DGKB: variants seen among roughly 807,000 people sequenced by gnomAD.
The protein encoded by DGKB is diacylglycerol kinase beta, also known as 90 kDa diacylglycerol kinase.
In DGKB, 67 loss-of-function variants were observed where a neutral mutation model predicts 114.3. That is an observed-to-expected ratio of 0.59 (90% CI 0.48 to 0.72). The LOEUF is 0.72. Ranked by LOEUF, DGKB falls within the 30% of genes least tolerant of loss-of-function variation. DGKB has a pLI of 0.00. For missense variants in DGKB, 907 were observed against 975.2 expected, an observed-to-expected ratio of 0.93 and a Z score of 0.93; for synonymous variants, 398 against 323.1, an observed-to-expected ratio of 1.23 and a Z score of -2.49.
At chr7:14,270,234 G>A (rs755339122) in intron 23 of DGKB, among the ~76,000 whole-genome samples, 2 of 152,014 alleles carry the variant, frequency 1.3e-5, no homozygotes, top group African/African-American at 4.8e-5. Context: ...TCCGTTTCTC[G>A]AGGCATCTCC....
At position 14,188,645 on chromosome 7, in the gene DGKB, G is replaced by T. The variant is rs1230694169; in HGVS notation, c.2123-10494C>A. 4.3e-5 allele frequency among the ~76,000 whole-genome samples: 4 copies of T among 92,174 alleles called. No individual in the cohort carries two copies. The East Asian group carries it at 8.5e-4, about 19-fold the overall frequency. 60.5% of individuals were successfully genotyped at this position (92,174 alleles called of 152,430 possible). A position where few individuals can be genotyped will look rare whatever the true frequency, so the allele number is the denominator to read the frequency against. ...ACTGCACTCCAGCCTGGGCGACAAAGCGAGACTCCGTCTCAAAAAAAAAAA... is the reference window on the plus strand; with the variant it reads ...ACTGCACTCCAGCCTGGGCGACAAATCGAGACTCCGTCTCAAAAAAAAAAA... On this transcript the variant is annotated intron_variant, in intron 23 of 25. Coordinates refer to ENST00000402815, the MANE Select transcript of DGKB (RefSeq NM_001350709.2).
Position 14,176,919 on chromosome 7 carries a change from T to G in DGKB, c.2244-20A>C, listed in dbSNP as rs370982911. ...CTCGTCCTGGGGGAAAATATTTCAT[T>G]GTAAGTATTGCAAGGAAATACTTTA... On this transcript the variant is annotated intron_variant, in intron 24 of 25. Coordinates refer to ENST00000402815, the MANE Select transcript of DGKB (RefSeq NM_001350709.2). 6 of 1,612,844 alleles carry G rather than the reference T, an allele frequency of 3.7e-6. No individual in the cohort carries two copies. The highest frequency in any genetic ancestry group is 5.1e-6 in the Non-Finnish European group (6 of 1,179,074).
intron 23 of DGKB, among the ~76,000 whole-genome samples, chr7:14,271,368 C>A (rs1798246864): frequency 6.6e-6 from 1 of 152,064 alleles, no homozygotes; most frequent in Non-Finnish European, 1.5e-5. Context: ...ATGATTAGAC[C>A]AAAGCATCTT....
intron 5 of DGKB, among the ~76,000 whole-genome samples, chr7:14,729,271 T>A (rs71525647): frequency 6.8e-6 from 1 of 147,040 alleles, no homozygotes; most frequent in Non-Finnish European, 1.5e-5. Flanking sequence ...TACAGGCGCC[T>A]GCCACCACAT....
At chr7:14,895,648 C>A (rs976048573) in intron 1 of DGKB, among the ~76,000 whole-genome samples, 6 of 151,522 alleles carry the variant, frequency 4.0e-5, no homozygotes, top group Non-Finnish European at 7.4e-5. Context: ...CTTCTTTCAC[C>A]GATCCTGGCA....
chr7:14,942,888 T>A (rs1389930839), intron 1 of DGKB, among the ~76,000 whole-genome samples: 2 of 152,210 alleles, frequency 1.3e-5, no homozygotes, highest in East Asian at 3.9e-4. Context: ...TAGCACTTAC[T>A]TAATTTGTCT....
At chr7:14,391,461 C>G (rs1164942281) in intron 21 of DGKB, among the ~76,000 whole-genome samples, 1 of 150,656 alleles carries the variant, frequency 6.6e-6, no homozygotes, top group Non-Finnish European at 1.5e-5. Context: ...GCAGGTGGAT[C>G]GCTTGAGCCC....
At chr7:14,276,228 A>G (rs1798967609) in intron 23 of DGKB, among the ~76,000 whole-genome samples, 1 of 152,192 alleles carries the variant, frequency 6.6e-6, no homozygotes. Context: ...CATTCCCTAA[A>G]AAAAGGCAAG....
chr7:14,684,164 A>T (rs1821294557), intron 10 of DGKB, among the ~76,000 whole-genome samples: 1 of 152,174 alleles, frequency 6.6e-6, no homozygotes, highest in Non-Finnish European at 1.5e-5. Context: ...ATAGTTCAGA[A>T]ATCATATGCA....
intron 18 of DGKB, among the ~76,000 whole-genome samples, chr7:14,581,448 C>T (rs1191382726): frequency 6.6e-6 from 1 of 151,994 alleles, no homozygotes; most frequent in Non-Finnish European, 1.5e-5. Flanking sequence ...TGACTTTTTC[C>T]CACCCATGGT....
chr7:14,595,810 A>G (rs984839146), intron 17 of DGKB, among the ~76,000 whole-genome samples: 1 of 151,962 alleles, frequency 6.6e-6, no homozygotes, highest in Non-Finnish European at 1.5e-5. Context: ...TTCCTCTAGA[A>G]TGATTTATTA....
At chr7:14,315,459 C>CA (rs1285600454) in intron 23 of DGKB, among the ~76,000 whole-genome samples, 1 of 150,532 alleles carries the variant, frequency 6.6e-6, no homozygotes, top group African/African-American at 2.4e-5. Flanking sequence ...AAATGGAAAA[C>CA]AAAAAAAGGC....
intron 23 of DGKB, among the ~76,000 whole-genome samples, chr7:14,245,095 A>T (rs1237792474): frequency 6.6e-6 from 1 of 152,020 alleles, no homozygotes; most frequent in African/African-American, 2.4e-5. Flanking sequence ...GTCATGAGTA[A>T]ATCTCCCCAA....
At chr7:14,474,069 G>T (rs1338159319) in intron 21 of DGKB, among the ~76,000 whole-genome samples, 1 of 152,168 alleles carries the variant, frequency 6.6e-6, no homozygotes, top group East Asian at 1.9e-4. Context: ...TTTGAAATAT[G>T]AGGACATGAG....
chr7:14,851,996 C>G (rs1333064814), intron 1 of DGKB, among the ~76,000 whole-genome samples: 1 of 152,190 alleles, frequency 6.6e-6, no homozygotes, highest in Non-Finnish European at 1.5e-5. Context: ...GCCAATTCTA[C>G]TATGCCCATT....
chr7:14,706,522 AG>A (rs1312673123), intron 6 of DGKB, among the ~76,000 whole-genome samples: 1 of 147,098 alleles, frequency 6.8e-6, no homozygotes, highest in African/African-American at 2.5e-5. Context: ...CATTTTTTTC[AG>A]CACCACACCA....
chr7:14,487,574 AG>A (rs1784002499), intron 20 of DGKB, among the ~76,000 whole-genome samples: 1 of 148,400 alleles, frequency 6.7e-6, no homozygotes, highest in Non-Finnish European at 1.5e-5. Context: ...AAAGTTCTTA[AG>A]AAAATTCCTT....
intron 1 of DGKB, among the ~76,000 whole-genome samples, chr7:14,897,701 A>G (rs906823912): frequency 6.6e-6 from 1 of 151,964 alleles, no homozygotes; most frequent in Non-Finnish European, 1.5e-5. Flanking sequence ...CTAAATATGT[A>G]ACACCACAGA....
intron 20 of DGKB, among the ~76,000 whole-genome samples, chr7:14,493,925 T>TACACATACAC (rs1554472971): frequency 7.3e-6 from 1 of 137,722 alleles, no homozygotes; most frequent in Non-Finnish European, 1.6e-5. Context: ...CATGGTATCA[T>TACACATACAC]ACACACACAC....
Sources: gnomAD v4.1 joint callset for allele counts (sites outside exome capture counted in the v4.1 genomes callset) on GRCh38, gnomAD v4.1.1 for gene constraint, MANE v1.5 for transcripts, NCBI Gene and HGNC (gene_info 2026-07-23, HGNC 2026-07-21) for gene names.